SCEL: variants seen among roughly 807,000 people sequenced by gnomAD.
SCEL encodes sciellin.
Under a neutral mutation model 117.6 loss-of-function variants are expected in SCEL, and 113 were observed. The observed-to-expected ratio is 0.96, with a 90% CI of 0.83 to 1.12. The LOEUF is 1.12. SCEL is among the 50% of genes most tolerant of loss of function. SCEL has a pLI of 0.00. For synonymous variants in SCEL, 270 were observed against 256.2 expected (o/e 1.05, Z -0.51); for missense variants, 785 against 810.8 (o/e 0.97, Z 0.39).
chr13:77,586,967 C>T (rs2086600757), intron 9 of SCEL, among the ~76,000 whole-genome samples: 1 of 152,066 alleles, frequency 6.6e-6, no homozygotes, highest in South Asian at 2.1e-4. Context: ...AAGTTTCTGG[C>T]ACATAATGAC....
intron 8 of SCEL, among the ~76,000 whole-genome samples, chr13:77,570,944 G>T (rs1032752545): frequency 2.7e-5 from 4 of 149,800 alleles, no homozygotes; most frequent in Admixed American, 2.7e-4. Context: ...CCAATTATTT[G>T]CCTCAGCCTC....
intron 1 of SCEL, among the ~76,000 whole-genome samples, chr13:77,551,062 G>T (rs551503244): frequency 1.3e-4 from 20 of 152,302 alleles, no homozygotes; most frequent in Admixed American, 1.3e-4. Context: ...GTCTTGCAGT[G>T]ACTCCTGATG....
At chr13:77,605,457 A>G (rs565682665) in intron 19 of SCEL, among the ~76,000 whole-genome samples, 7 of 152,300 alleles carry the variant, frequency 4.6e-5, no homozygotes, top group Non-Finnish European at 8.8e-5. Flanking sequence ...TGAGGTAGTC[A>G]GTGCGAGCAG....
intron 1 of SCEL, among the ~76,000 whole-genome samples, 178 bp downstream of exon 1, chr13:77,536,002 G>C (rs868010553): frequency 1.4e-4 from 21 of 151,848 alleles, no homozygotes; most frequent in African/African-American, 4.4e-4. Context: ...GTACTTTTAG[G>C]TCACATTGCA....
chr13:77,620,572 G>A (rs111446392), intron 27 of SCEL, among the ~76,000 whole-genome samples: 5 of 152,286 alleles, frequency 3.3e-5, no homozygotes, highest in African/African-American at 9.6e-5. Flanking sequence ...AAATACAGAT[G>A]TGCACAAAAT....
At chr13:77,605,861 C>T (rs1209629691) in intron 19 of SCEL, among the ~76,000 whole-genome samples, 2 of 152,068 alleles carry the variant, frequency 1.3e-5, no homozygotes, top group Non-Finnish European at 2.9e-5. Context: ...AAAAAGTTAG[C>T]TGGGCGTCCC....
chr13:77,614,460 A>G (rs930095529), intron 24 of SCEL, among the ~76,000 whole-genome samples: 3 of 152,202 alleles, frequency 2.0e-5, no homozygotes, highest in Non-Finnish European at 4.4e-5. Context: ...TTATGGACCT[A>G]AAGTTTAATA....
chr13:77,552,167 G>C (rs2084370885), intron 1 of SCEL, among the ~76,000 whole-genome samples: 1 of 151,832 alleles, frequency 6.6e-6, no homozygotes, highest in Non-Finnish European at 1.5e-5. Context: ...GTGTGCATGT[G>C]TCTTTATAGC....
At chr13:77,593,300 G>GTGTGTGTGTGTGCGCGCGCGTC (rs2087020011) in intron 11 of SCEL, among the ~76,000 whole-genome samples, 1 of 145,148 alleles carries the variant, frequency 6.9e-6, no homozygotes, top group African/African-American at 2.6e-5. Flanking sequence ...GTGTGTGTCT[G>GTGTGTGTGTGTGCGCGCGCGTC]TGTGTGTGTG....
At chr13:77,576,102 T>G (rs547485530) in intron 9 of SCEL, among the ~76,000 whole-genome samples, 1 of 152,158 alleles carries the variant, frequency 6.6e-6, no homozygotes, top group Non-Finnish European at 1.5e-5. Flanking sequence ...CTTCCTCTCT[T>G]TCCATCTCAG....
intron 14 of SCEL, 61 bp from the exon 15 acceptor site, chr13:77,599,628 A>T: frequency 8.0e-7 from 1 of 1,242,942 alleles, no homozygotes. Context: ...TGACCTTTCA[A>T]GATACCACAC....
chr13:77,543,082 C>CTTTTTTTTT (rs71203061), intron 1 of SCEL, among the ~76,000 whole-genome samples: 1 of 122,474 alleles, frequency 8.2e-6, no homozygotes, highest in Admixed American at 8.6e-5. Flanking sequence ...TCTACTTTAG[C>CTTTTTTTTT]TTTTTTTTTT....
chr13:77,600,884 A>G (rs1252302891), intron 15 of SCEL, among the ~76,000 whole-genome samples: 2 of 152,178 alleles, frequency 1.3e-5, no homozygotes, highest in Admixed American at 1.3e-4. Flanking sequence ...AAAACCATTT[A>G]TCTGTGCCAA....
chr13:77,593,919 T>C (rs1222410323), intron 12 of SCEL, among the ~76,000 whole-genome samples: 1 of 152,208 alleles, frequency 6.6e-6, no homozygotes, highest in Non-Finnish European at 1.5e-5. Context: ...CAAGGTCATA[T>C]CCAAATTCCT....
chr13:77,603,071 T>C lies in SCEL; in HGVS notation c.1038-5T>C. On this transcript the variant is annotated splice_region_variant and splice_polypyrimidine_tract_variant and intron_variant, in intron 17 of 32. Coordinates refer to ENST00000349847, the MANE Select transcript of SCEL (RefSeq NM_144777.3). ...TGAAACTGATATAAACTTTTTTTTT[T>C]AAAGAAGTGAAGACCTTGATAATGC... 2 of 1,507,870 alleles carry C rather than the reference T, an allele frequency of 1.3e-6. No individual in the cohort carries two copies. The highest frequency in any genetic ancestry group is 1.8e-6 in the Non-Finnish European group (2 of 1,117,014). 93.4% of individuals were successfully genotyped at this position (1,507,870 alleles called of 1,614,324 possible).
chr13:77,638,593 G>A (rs1193552580), intron 30 of SCEL, among the ~76,000 whole-genome samples: 1 of 152,174 alleles, frequency 6.6e-6, no homozygotes, highest in Non-Finnish European at 1.5e-5. Flanking sequence ...CATCAGCGCA[G>A]AAGTCAGTTC....
chr13:77,609,144 G>A, intron 21 of SCEL, 27 bp downstream of exon 21: 11 of 1,526,768 alleles, frequency 7.2e-6, no homozygotes, highest in Non-Finnish European at 8.9e-6. Flanking sequence ...TCCCTTTTTT[G>A]TTTCATAGTA....
rs186123533 is a variant in SCEL at position 77,621,743 on chromosome 13, A to G, written c.1628+3683A>G. On this transcript the variant is annotated intron_variant, in intron 27 of 32. Transcript: ENST00000349847. Reference sequence around the variant, plus strand: ...ATGATAGTCCACTTAGAGAAAGTCTAGCCTTCCAGCTGTGACATTCTGAGC... The same window carrying G: ...ATGATAGTCCACTTAGAGAAAGTCTGGCCTTCCAGCTGTGACATTCTGAGC... 5.1e-4 allele frequency among the ~76,000 whole-genome samples: 78 copies of G among 152,346 alleles called. 1 individual carries two copies. Among genetic ancestry groups the G allele is most frequent in the South Asian group, 2.1e-4 (1 of 4,832 alleles).
chr13:77,602,687 T>A lies in SCEL; in HGVS notation c.1011T>A (p.Asn337Lys), dbSNP rs777197064. Residue 337 changes from asparagine (N) to lysine (K), a missense_variant, in exon 17 of 33, where the codon AAT (asparagine) becomes AAA (lysine). Coordinates refer to ENST00000349847, the MANE Select transcript of SCEL (RefSeq NM_144777.3). ...RQNLESVAKVNARMNKTSRRS... is the reference protein window; with the variant it reads ...RQNLESVAKVKARMNKTSRRS... ...ATCTCGAATCTGTTGCTAAAGTGAA[T>A]GCCAGGATGAATAAAACGAGCAGAA... is the stretch of plus-strand genomic sequence containing the variant. The A allele has an allele frequency of 6.2e-7, 1 of 1,613,824 alleles. No homozygotes were observed. The highest frequency in any genetic ancestry group is 1.1e-5 in the South Asian group (1 of 91,056).
Sources: allele counts gnomAD v4.1 joint callset (sites outside exome capture counted in the v4.1 genomes callset), GRCh38; gene constraint gnomAD v4.1.1; transcripts MANE v1.5; gene names NCBI Gene and HGNC (gene_info 2026-07-23, HGNC 2026-07-21).